Variants in GRIA4 observed in about 807,000 individuals in gnomAD.
GRIA4 encodes the protein glutamate ionotropic receptor AMPA type subunit 4, also known as glutamate receptor 4.
A neutral mutation model predicts 104.0 loss-of-function variants in GRIA4; 34 were observed. The ratio of observed to expected loss-of-function variants is 0.33; its 90% CI spans 0.25 to 0.44. The LOEUF (loss-of-function observed/expected upper bound fraction) is 0.44, where lower values mean the gene tolerates loss of function less well. Ranked by LOEUF, GRIA4 falls within the 20% of genes least tolerant of loss-of-function variation. The probability of loss-of-function intolerance (pLI) is 1.00; values close to 1 mark genes in which losing one functional copy is unlikely to be tolerated. For synonymous variants in GRIA4, 386 were observed against 381.9 expected (o/e 1.01, Z -0.13); for missense variants, 750 against 1,096.5 (o/e 0.68, Z 4.46).
At chr11:105,723,582 A>G (rs1005189265) in intron 3 of GRIA4, among the ~76,000 whole-genome samples, 20 of 152,068 alleles carry the variant, frequency 1.3e-4, no homozygotes, top group African/African-American at 2.4e-5. Context: ...TTCCCTACTA[A>G]TTTATTTCCC....
At chr11:105,830,526 T>C (rs751662378) in intron 4 of GRIA4, among the ~76,000 whole-genome samples, 4 of 152,020 alleles carry the variant, frequency 2.6e-5, no homozygotes, top group African/African-American at 7.2e-5. Flanking sequence ...CCTATAGAGT[T>C]GATGATGGCA....
chr11:105,846,530 T>A (rs147674491), intron 4 of GRIA4, among the ~76,000 whole-genome samples: 82 of 152,102 alleles, frequency 5.4e-4, no homozygotes, highest in African/African-American at 2.0e-3. Context: ...CACATAAATA[T>A]GTACAAATTA....
At chr11:105,934,716 GT>G (rs1422670951) in intron 14 of GRIA4, among the ~76,000 whole-genome samples, 8 of 152,100 alleles carry the variant, frequency 5.3e-5, no homozygotes, top group African/African-American at 1.9e-4. Flanking sequence ...GGAAATATTG[GT>G]TAAATCTGCC....
intron 3 of GRIA4, among the ~76,000 whole-genome samples, chr11:105,739,150 G>A (rs936159833): frequency 6.6e-6 from 1 of 152,146 alleles, no homozygotes; most frequent in Admixed American, 6.6e-5. Context: ...TACACTGAAT[G>A]GAATCTTGCT....
chr11:105,877,229 A>G (rs551185146), intron 5 of GRIA4, among the ~76,000 whole-genome samples: 9 of 152,286 alleles, frequency 5.9e-5, no homozygotes, highest in Admixed American at 1.3e-4. Context: ...AATGTTGAAT[A>G]TTGACCCCCA....
intron 3 of GRIA4, among the ~76,000 whole-genome samples, chr11:105,632,911 T>A (rs1951072625): frequency 6.6e-6 from 1 of 152,192 alleles, no homozygotes; most frequent in South Asian, 2.1e-4. Flanking sequence ...AAGCCTCATG[T>A]ATACAAAATA....
chr11:105,892,564 G>A (rs188093730), intron 6 of GRIA4, among the ~76,000 whole-genome samples: 2 of 152,116 alleles, frequency 1.3e-5, no homozygotes, highest in Non-Finnish European at 2.9e-5. Flanking sequence ...GCATTTAGGT[G>A]TTTGATTAGT....
intron 3 of GRIA4, among the ~76,000 whole-genome samples, chr11:105,661,101 A>G (rs1951995782): frequency 6.6e-6 from 1 of 151,606 alleles, no homozygotes; most frequent in African/African-American, 2.4e-5. Context: ...AAGATGAGAT[A>G]TTTTCTAGTG....
At chr11:105,829,566 G>C (rs1005912130) in intron 4 of GRIA4, among the ~76,000 whole-genome samples, 1 of 151,916 alleles carries the variant, frequency 6.6e-6, no homozygotes, top group Admixed American at 6.6e-5. Context: ...ATTGAAACAT[G>C]ATCAACTACC....
intron 4 of GRIA4, among the ~76,000 whole-genome samples, chr11:105,845,527 A>T (rs1376602423): frequency 6.6e-6 from 1 of 152,092 alleles, no homozygotes; most frequent in Non-Finnish European, 1.5e-5. Flanking sequence ...CATCTTAAAA[A>T]ACACAATCTG....
chr11:105,717,753 G>A (rs1591130777), intron 3 of GRIA4, among the ~76,000 whole-genome samples: 1 of 151,004 alleles, frequency 6.6e-6, no homozygotes, highest in East Asian at 1.9e-4. Flanking sequence ...GGGTACATGT[G>A]CACAATGTGC....
Position 105,855,661 on chromosome 11 carries a change from G to A in GRIA4, c.488-6363G>A, listed in dbSNP as rs560027537. ...GCTTTACTTAAAATAGAAACACATT[G>A]CCTTTATTGTAAAAAGATGTTTGTG... On this transcript the variant is annotated intron_variant, in intron 4 of 16. Coordinates refer to ENST00000282499, the MANE Select transcript of GRIA4 (RefSeq NM_000829.4). Among the ~76,000 whole-genome samples the A allele has an allele frequency of 2.0e-5, 3 of 152,184 alleles. No homozygotes were observed. The East Asian group carries it at 5.8e-4, about 29-fold the overall frequency.
At chr11:105,793,208 A>C (rs1942293623) in intron 4 of GRIA4, among the ~76,000 whole-genome samples, 1 of 152,162 alleles carries the variant, frequency 6.6e-6, no homozygotes, top group Non-Finnish European at 1.5e-5. Context: ...GCCCTAGATT[A>C]GACAAGGCCG....
intron 4 of GRIA4, among the ~76,000 whole-genome samples, chr11:105,800,302 C>T (rs1315759225): frequency 6.6e-6 from 1 of 151,986 alleles, no homozygotes; most frequent in African/African-American, 2.4e-5. Context: ...GAGGAAGTTA[C>T]ACATAGCTTA....
intron 9 of GRIA4, among the ~76,000 whole-genome samples, chr11:105,909,780 A>G (rs1947166966): frequency 6.6e-6 from 1 of 152,158 alleles, no homozygotes. Context: ...TACTTAATTC[A>G]TTTTTAGGAA....
chr11:105,619,073 C>T (rs1431270736), intron 3 of GRIA4, among the ~76,000 whole-genome samples: 1 of 10,446 alleles, frequency 9.6e-5, no homozygotes, highest in East Asian at 2.2e-3. Flanking sequence ...TTGTATATGA[C>T]CAGAAAAAAA....
At chr11:105,954,061 T>C (rs1948524628) in intron 14 of GRIA4, among the ~76,000 whole-genome samples, 1 of 152,166 alleles carries the variant, frequency 6.6e-6, no homozygotes, top group Non-Finnish European at 1.5e-5. Flanking sequence ...AAGAGTTCTA[T>C]TAACCTCCTG....
At chr11:105,671,201 G>A (rs1193187814) in intron 3 of GRIA4, among the ~76,000 whole-genome samples, 1 of 152,048 alleles carries the variant, frequency 6.6e-6, no homozygotes, top group Non-Finnish European at 1.5e-5. Flanking sequence ...CATATTCACA[G>A]GTACCAGGTG....
intron 16 of GRIA4, among the ~76,000 whole-genome samples, chr11:105,975,181 GA>G (rs1858912648): frequency 6.6e-6 from 1 of 152,044 alleles, no homozygotes; most frequent in Non-Finnish European, 1.5e-5. Flanking sequence ...TCAGAATTTT[GA>G]CTACAATTCA....
Sources: allele counts gnomAD v4.1 joint callset (sites outside exome capture counted in the v4.1 genomes callset), GRCh38; gene constraint gnomAD v4.1.1; transcripts MANE v1.5; gene names NCBI Gene and HGNC (gene_info 2026-07-23, HGNC 2026-07-21).